Variants in FAR2 observed in about 807,000 individuals in gnomAD.
FAR2 encodes the protein fatty acyl-CoA reductase 2, also known as epididymis secretory protein Li 81.
In FAR2, 19 loss-of-function variants were observed where a neutral mutation model predicts 56.0. The ratio of observed to expected loss-of-function variants is 0.34; its 90% CI spans 0.24 to 0.50. The LOEUF is 0.50. Ranked by LOEUF, FAR2 falls within the 20% of genes least tolerant of loss-of-function variation. FAR2 has a pLI of 0.98. For synonymous variants in FAR2, 219 were observed against 218.8 expected (o/e 1.00, Z -0.01); for missense variants, 508 against 642.2 (o/e 0.79, Z 2.26).
chr12:29,277,623 C>A (rs1463997965), intron 2 of FAR2: 1 of 152,156 alleles, frequency 6.6e-6, no homozygotes, highest in Non-Finnish European at 1.5e-5. Context: ...GAGAAAATAA[C>A]AAGTGACGCC....
intron 1 of FAR2, among the ~76,000 whole-genome samples, chr12:29,229,072 G>T (rs1267699093): frequency 1.3e-5 from 2 of 152,224 alleles, no homozygotes; most frequent in Non-Finnish European, 2.9e-5. Flanking sequence ...GCAAGAAAGA[G>T]TGTATTCTAA....
intron 1 of FAR2, among the ~76,000 whole-genome samples, chr12:29,214,765 G>A (rs1947599943): frequency 6.6e-6 from 1 of 151,948 alleles, no homozygotes; most frequent in Non-Finnish European, 1.5e-5. Context: ...AAGTTGCAGT[G>A]AGCCAAGATT....
intron 1 of FAR2, among the ~76,000 whole-genome samples, chr12:29,198,622 AT>A (rs1271579371): frequency 3.3e-5 from 4 of 122,694 alleles, no homozygotes; most frequent in African/African-American, 1.1e-4. Context: ...GCTTTAGAGC[AT>A]TCATGTTTTG....
In FAR2 at chr12:29,327,229, A is replaced by G. The variant is rs1949663841; in HGVS notation, c.1257+5305A>G. Among the ~76,000 whole-genome samples, 2 of 152,184 alleles carry G rather than the reference A, an allele frequency of 1.3e-5. 1 individual carries two copies. The highest frequency in any genetic ancestry group is 4.1e-4 in the South Asian group (2 of 4,826). On this transcript the variant is annotated intron_variant, in intron 10 of 11. Coordinates refer to ENST00000536681, the MANE Select transcript of FAR2 (RefSeq NM_001271783.2). ...AAGGACCTCTTCAAGGAAAACTACAAACCACTGCTCAATGAAATAAAAGAA... is the reference window on the plus strand; with the variant it reads ...AAGGACCTCTTCAAGGAAAACTACAGACCACTGCTCAATGAAATAAAAGAA...
At chr12:29,232,032 T>A (rs1947867726) in intron 1 of FAR2, among the ~76,000 whole-genome samples, 1 of 152,136 alleles carries the variant, frequency 6.6e-6, no homozygotes, top group Admixed American at 6.5e-5. Flanking sequence ...AGAACATATC[T>A]CAAAGGGGTT....
intron 1 of FAR2, among the ~76,000 whole-genome samples, chr12:29,247,052 T>G (rs533607563): frequency 1.2e-4 from 18 of 152,308 alleles, no homozygotes; most frequent in African/African-American, 4.1e-4. Context: ...TTCCAAATCA[T>G]GTATTTACAT....
chr12:29,201,504 C>A (rs975415129), intron 1 of FAR2, among the ~76,000 whole-genome samples: 1 of 152,186 alleles, frequency 6.6e-6, no homozygotes, highest in Admixed American at 6.5e-5. Context: ...CAAGTGCCTT[C>A]TTCCTCTATA....
chr12:29,192,465 T>G (rs1195835513), intron 1 of FAR2, among the ~76,000 whole-genome samples: 1 of 152,192 alleles, frequency 6.6e-6, no homozygotes, highest in Non-Finnish European at 1.5e-5. Flanking sequence ...GCTTTATATA[T>G]GCAATCTTCT....
intron 9 of FAR2, among the ~76,000 whole-genome samples, chr12:29,319,567 C>A (rs1949519180): frequency 6.6e-6 from 1 of 151,990 alleles, no homozygotes; most frequent in Admixed American, 6.6e-5. Context: ...TATATTTTCT[C>A]CAGGTCTGTT....
intron 1 of FAR2, among the ~76,000 whole-genome samples, chr12:29,218,881 T>TTTTA (rs58268149): frequency 0.12 from 18,083 of 151,196 alleles, 1,242 homozygotes; most frequent in South Asian, 0.17. Flanking sequence ...CGTGTTAGAA[T>TTTTA]TTTATTTATT....
At chr12:29,230,657 G>A (rs1377948690) in intron 1 of FAR2, among the ~76,000 whole-genome samples, 1 of 152,018 alleles carries the variant, frequency 6.6e-6, no homozygotes, top group African/African-American at 2.4e-5. Context: ...CAGAGATGGT[G>A]AGATGTGATC....
At chr12:29,234,970 T>C (rs575980421) in intron 1 of FAR2, among the ~76,000 whole-genome samples, 1 of 152,260 alleles carries the variant, frequency 6.6e-6, no homozygotes, top group Non-Finnish European at 1.5e-5. Context: ...TCTTGGAGAG[T>C]GTATGTTTCT....
chr12:29,149,499 G>C (rs2136567356), intron 1 of FAR2, 92 bp downstream of exon 1: 1 of 152,538 alleles, frequency 6.6e-6, no homozygotes, highest in Non-Finnish European at 1.5e-5. Flanking sequence ...GGAGGGCTCG[G>C]CTGGGTTCGC....
chr12:29,150,500 G>A (rs1186302759), intron 1 of FAR2, among the ~76,000 whole-genome samples: 2 of 152,178 alleles, frequency 1.3e-5, no homozygotes, highest in Middle Eastern at 3.2e-3. Context: ...GAATTACCCC[G>A]TGGTTTCAAT....
chr12:29,329,744 T>G (rs1402154386), intron 10 of FAR2, among the ~76,000 whole-genome samples: 1 of 152,068 alleles, frequency 6.6e-6, no homozygotes, highest in Admixed American at 6.5e-5. Context: ...TTATTAATAC[T>G]CCAAATCTCA....
intron 1 of FAR2, among the ~76,000 whole-genome samples, chr12:29,242,838 A>G (rs1248619490): frequency 2.0e-5 from 3 of 152,228 alleles, no homozygotes; most frequent in African/African-American, 7.2e-5. Flanking sequence ...ATCAGGTTCC[A>G]ACTCTTGCTC....
intron 1 of FAR2, among the ~76,000 whole-genome samples, chr12:29,245,828 C>T (rs562416775): frequency 6.6e-6 from 1 of 152,098 alleles, no homozygotes; most frequent in Non-Finnish European, 1.5e-5. Context: ...GAATACACAT[C>T]GGACTTTCTC....
intron 2 of FAR2, among the ~76,000 whole-genome samples, chr12:29,271,673 T>C (rs1948620919): frequency 6.6e-6 from 1 of 152,208 alleles, no homozygotes; most frequent in Admixed American, 6.5e-5. Flanking sequence ...CAAACCATCA[T>C]CAAGCAAATT....
At chr12:29,245,181 C>T (rs1948107629) in intron 1 of FAR2, among the ~76,000 whole-genome samples, 1 of 152,144 alleles carries the variant, frequency 6.6e-6, no homozygotes, top group African/African-American at 2.4e-5. Flanking sequence ...GGGGTTTCAC[C>T]ACGTTGGCCA....
Sources: gnomAD v4.1 joint callset for allele counts (sites outside exome capture counted in the v4.1 genomes callset) on GRCh38, gnomAD v4.1.1 for gene constraint, MANE v1.5 for transcripts, NCBI Gene and HGNC (gene_info 2026-07-23, HGNC 2026-07-21) for gene names.